Variants in STRAP observed in about 807,000 individuals in gnomAD.
STRAP encodes serine-threonine kinase receptor-associated protein.
A neutral mutation model predicts 47.0 loss-of-function variants in STRAP; 16 were observed. The observed-to-expected ratio is 0.34, with a 90% CI of 0.23 to 0.52. The LOEUF is 0.52. Among genes scored for constraint, STRAP ranks in the 20% least tolerant of loss-of-function variants. The pLI is 0.96. For missense variants in STRAP, 293 were observed against 420.0 expected (o/e 0.70, Z 2.64); for synonymous variants, 130 against 142.7 (o/e 0.91, Z 0.63).
rs182901038 is a variant in STRAP, at chr12:15,887,623, A to G, written c.249-2305A>G. Reference sequence around the variant, plus strand: ...CTGTTTCTAAATAGGAGGAAAAACTACAGACACATTACCTCTCTGGTTAAT... The same window carrying G: ...CTGTTTCTAAATAGGAGGAAAAACTGCAGACACATTACCTCTCTGGTTAAT... On this transcript the variant is annotated intron_variant, in intron 2 of 9. Transcript: ENST00000419869. This position sits in a 1 kb window ranked among gnomAD's most constrained non-coding sequence, Gnocchi z 5.5. Among the ~76,000 whole-genome samples the G allele has an allele frequency of 1.3e-5, 2 of 152,326 alleles. No individual in the cohort carries two copies. The highest frequency in any genetic ancestry group is 2.9e-5 in the Non-Finnish European group (2 of 68,028).
intron 1 of STRAP, 183 bp downstream of exon 1, chr12:15,883,002 G>C (rs1242988375): frequency 6.7e-7 from 1 of 1,483,086 alleles, no homozygotes; most frequent in Non-Finnish European, 9.1e-7. Context: ...CGCAGCTGGA[G>C]CCGAGAGGAC....
chr12:15,898,048 AC>A (rs1463459355), intron 7 of STRAP, 30 bp downstream of exon 7: 1 of 1,580,496 alleles, frequency 6.3e-7, no homozygotes, highest in Non-Finnish European at 8.6e-7. Context: ...TGATGTGGTT[AC>A]CTTTATCATA....
rs1172990646 is a variant in STRAP, at chr12:15,882,760, T to A, written c.53T>A (p.Val18Asp). The change falls in exon 1 of 10, where the codon GTT becomes GAT. Residue 18 changes from valine (V) to aspartate (D), a missense_variant. Val to Asp is a radical substitution (Grantham distance 152). Coordinates refer to ENST00000419869, the MANE Select transcript of STRAP (RefSeq NM_007178.4). ...LTCSGHTRPV[V>D]DLAFSGITPY... The stretch of plus-strand genomic sequence containing the variant: ...TGCTCTGGCCACACGCGACCCGTGG[T>A]TGATTTGGCCTTCAGTGGCATCACG... The A allele has an allele frequency of 6.2e-7, 1 of 1,612,130 alleles. No homozygotes were observed. The highest frequency in any genetic ancestry group is 1.1e-5 in the South Asian group (1 of 90,938).
Position 15,894,102 on chromosome 12 carries a change from T to G in STRAP, c.459T>G (p.Ser153Arg), listed in dbSNP as rs1565575759. 1.2e-6 allele frequency: 2 copies of G among 1,613,654 alleles called. No individual in the cohort carries two copies. Among genetic ancestry groups the G allele is most frequent in the East Asian group, 4.5e-5 (2 of 44,876 alleles). ...TSGIKKALWC[S>R]EDKQILSADD... ...GTATAAAAAAAGCTCTGTGGTGCAG[T>G]GAGGATAAACAGATTCTTTCTGCTG... is the stretch of plus-strand genomic sequence containing the variant. The change falls in exon 5 of 10, where the codon AGT (serine) becomes AGG (arginine). Residue 153 changes from serine (S) to arginine (R), a missense_variant. Physicochemically the swap from Ser to Arg is moderately radical, Grantham distance 110. Transcript: ENST00000419869. This position sits in a 1 kb window ranked among gnomAD's most constrained non-coding sequence, Gnocchi z 4.9.
intron 8 of STRAP, 107 bp from the exon 9 acceptor site, chr12:15,900,840 T>C (rs1301828351): frequency 2.7e-6 from 2 of 747,322 alleles, no homozygotes; most frequent in African/African-American, 3.6e-5. Flanking sequence ...TTATATTTTG[T>C]AGCCATTTTC....
In STRAP at chr12:15,894,036, T is replaced by A; in HGVS notation, c.404-11T>A. ...TATTAACAAATGTACTTTAAATTGT[T>A]TTATCTCAAGAACCTAAGGAAATTA... On this transcript the variant is annotated splice_polypyrimidine_tract_variant and intron_variant, in intron 4 of 9. Transcript: ENST00000419869. The surrounding 1 kb of genome is among the most constrained non-coding windows in gnomAD (Gnocchi z 4.9). 1 of 1,587,440 alleles carries A rather than the reference T, an allele frequency of 6.3e-7. No homozygotes were observed. The highest frequency in any genetic ancestry group is 8.6e-7 in the Non-Finnish European group (1 of 1,157,550).
In STRAP at chr12:15,896,503, C is replaced by T. The variant is rs1482025450; in HGVS notation, c.638+1007C>T. ...ATGGTAGTTATATTTTCTGCTAGTC[C>T]ATTTTTCTATGTTATATATGTGGGT... On this transcript the variant is annotated intron_variant, in intron 6 of 9. Transcript: ENST00000419869. This position sits in a 1 kb window ranked among gnomAD's most constrained non-coding sequence, Gnocchi z 4.1. Among the ~76,000 whole-genome samples, 2 of 150,712 alleles carry T rather than the reference C, an allele frequency of 1.3e-5. No individual in the cohort carries two copies. The highest frequency in any genetic ancestry group is 4.9e-5 in the African/African-American group (2 of 41,038).
chr12:15,898,650 T>C (rs1565577096), intron 7 of STRAP, among the ~76,000 whole-genome samples: 1 of 152,230 alleles, frequency 6.6e-6, no homozygotes, highest in Non-Finnish European at 1.5e-5. Flanking sequence ...TTAATGTATA[T>C]TTATCTGATG....
At position 15,894,193 on chromosome 12, in the gene STRAP, C is replaced by G; in HGVS notation, c.500+50C>G. The G allele has an allele frequency of 1.4e-6, 2 of 1,463,606 alleles. No individual in the cohort carries two copies. The highest frequency in any genetic ancestry group is 1.9e-6 in the Non-Finnish European group (2 of 1,047,422). 90.7% of individuals were successfully genotyped at this position (1,463,606 alleles called of 1,614,324 possible). On this transcript the variant is annotated intron_variant, in intron 5 of 9. Coordinates refer to ENST00000419869, the MANE Select transcript of STRAP (RefSeq NM_007178.4). This position sits in a 1 kb window ranked among gnomAD's most constrained non-coding sequence, Gnocchi z 4.9. ...TACAATTTAAGGCCGGGCATGGTGG[C>G]TCACGCCTATAATCTCAGCACTTTG...
Position 15,890,160 on chromosome 12 carries a change from T to A in STRAP, c.330+151T>A. On this transcript the variant is annotated intron_variant, in intron 3 of 9. Transcript: ENST00000419869. This position sits in a 1 kb window ranked among gnomAD's most constrained non-coding sequence, Gnocchi z 4.5. Reference sequence around the variant, plus strand: ...GTTCATATTTGATTTGATTGTGTATTAAGCTCTATGAATTTGTTTCATAGT... The same window carrying A: ...GTTCATATTTGATTTGATTGTGTATAAAGCTCTATGAATTTGTTTCATAGT... 1 of 773,428 alleles carries A rather than the reference T, an allele frequency of 1.3e-6. No homozygotes were observed. Among genetic ancestry groups the A allele is most frequent in the Non-Finnish European group, 2.1e-6 (1 of 476,994 alleles). The allele number at this position is 773,428 out of a possible 1,614,324, so 47.9% of individuals were successfully genotyped here.
At chr12:15,882,881 C>T (rs1947934887) in intron 1 of STRAP, 62 bp downstream of exon 1, 7 of 1,522,736 alleles carry the variant, frequency 4.6e-6, no homozygotes, top group South Asian at 3.5e-5. Context: ...GATCGGGACC[C>T]GCACGCTCCA....
At chr12:15,888,069 A>T (rs983734286) in intron 2 of STRAP, among the ~76,000 whole-genome samples, 1 of 152,238 alleles carries the variant, frequency 6.6e-6, no homozygotes, top group Non-Finnish European at 1.5e-5. Flanking sequence ...TGTAAACAAA[A>T]AACAAAGCAA....
chr12:15,897,345 TTG>T (rs1948067230), intron 6 of STRAP, among the ~76,000 whole-genome samples: 1 of 152,208 alleles, frequency 6.6e-6, no homozygotes, highest in African/African-American at 2.4e-5. Context: ...GCCCCAAATT[TTG>T]TTAGTCTTTT....
intron 2 of STRAP, among the ~76,000 whole-genome samples, chr12:15,885,192 T>TG (rs1354319261): frequency 2.0e-5 from 3 of 148,720 alleles, no homozygotes; most frequent in Non-Finnish European, 3.0e-5. Flanking sequence ...TTTTTTTTTT[T>TG]TTTTTTTTTT....
At chr12:15,884,258 G>C (rs1282434589) in intron 2 of STRAP, among the ~76,000 whole-genome samples, 1 of 152,100 alleles carries the variant, frequency 6.6e-6, no homozygotes, top group Non-Finnish European at 1.5e-5. Flanking sequence ...CCTTCATGTA[G>C]TAACTGTGGC....
intron 2 of STRAP, among the ~76,000 whole-genome samples, chr12:15,885,818 G>A (rs1473508716): frequency 2.6e-5 from 4 of 151,930 alleles, no homozygotes; most frequent in Non-Finnish European, 5.9e-5. Context: ...TTCATAGGTT[G>A]GTTTTGAATA....
At chr12:15,885,575 A>G (rs1445608421) in intron 2 of STRAP, among the ~76,000 whole-genome samples, 1 of 151,020 alleles carries the variant, frequency 6.6e-6, no homozygotes, top group African/African-American at 2.4e-5. Context: ...TAAACATACC[A>G]ATTTTAGAAT....
At chr12:15,899,567 T>C (rs1948086528) in intron 7 of STRAP, among the ~76,000 whole-genome samples, 1 of 152,170 alleles carries the variant, frequency 6.6e-6, no homozygotes, top group African/African-American at 2.4e-5. Flanking sequence ...AAATTGGAGG[T>C]TGAACTGGTA....
rs541502507 is a variant in STRAP at position 15,895,122 on chromosome 12, T to C, written c.501-237T>C. 2.6e-5 allele frequency among the ~76,000 whole-genome samples: 4 copies of C among 152,332 alleles called. No individual in the cohort carries two copies. The South Asian group carries it at 6.2e-4, about 24-fold the overall frequency. On this transcript the variant is annotated intron_variant, in intron 5 of 9. Coordinates refer to ENST00000419869, the MANE Select transcript of STRAP (RefSeq NM_007178.4). The stretch of plus-strand genomic sequence containing the variant: ...GTCTTAATAATGTAGTTTTGCCAAA[T>C]TGGGAAGTGTATGTAGGTATTAAAG...
Sources: gnomAD v4.1 joint callset for allele counts (sites outside exome capture counted in the v4.1 genomes callset) on GRCh38, gnomAD v4.1.1 for gene constraint, Gnocchi (gnomAD v3.1) non-coding constraint, MANE v1.5 for transcripts, NCBI Gene and HGNC (gene_info 2026-07-23, HGNC 2026-07-21) for gene names.